Variants in EML6 observed in about 807,000 individuals in gnomAD.
EML6 encodes the protein EMAP like 6, also known as echinoderm microtubule-associated protein-like 6.
EML6 carries 154 observed loss-of-function variants against 240.1 expected under a neutral mutation model. The ratio of observed to expected loss-of-function variants is 0.64; its 90% CI spans 0.56 to 0.73. The LOEUF is 0.73. Ranked by LOEUF, EML6 falls within the 30% of genes least tolerant of loss-of-function variation. The pLI is 0.00. For synonymous variants in EML6, 1,148 were observed against 899.0 expected, an observed-to-expected ratio of 1.28 and a Z score of -4.95; for missense variants, 2,964 against 2,474.6, an observed-to-expected ratio of 1.20 and a Z score of -4.20.
In EML6 at chr2:54,813,385, T is replaced by C; in HGVS notation, c.351T>C (p.Asp117=). ...HGVACLAFDS[D]GQRLASVGLD... Reference sequence around the variant, plus strand: ...TTGCCTGCCTGGCTTTTGACTCAGATGGACAGGTGTGTATCTTTTTTTAGT... The same window carrying C: ...TTGCCTGCCTGGCTTTTGACTCAGACGGACAGGTGTGTATCTTTTTTTAGT... The change falls in exon 3 of 42, where the codon GAT becomes GAC. Residue 117 remains aspartate, a synonymous_variant. Transcript: ENST00000356458. The C allele has an allele frequency of 1.3e-6, 2 of 1,550,950 alleles. No individual in the cohort carries two copies. The highest frequency in any genetic ancestry group is 1.7e-6 in the Non-Finnish European group (2 of 1,146,348).
intron 7 of EML6, among the ~76,000 whole-genome samples, chr2:54,837,408 C>T (rs376959208): frequency 1.3e-5 from 2 of 152,156 alleles, no homozygotes; most frequent in East Asian, 3.8e-4. Context: ...CCGTTGAGGG[C>T]CTGGCGCTGT....
chr2:54,922,548 C>G (rs1674313641), intron 26 of EML6, among the ~76,000 whole-genome samples: 1 of 152,096 alleles, frequency 6.6e-6, no homozygotes, highest in African/African-American at 2.4e-5. Context: ...GGGTATATAT[C>G]CAAAGGAAGT....
At chr2:54,807,925 A>G (rs1670583010) in intron 2 of EML6, among the ~76,000 whole-genome samples, 1 of 152,196 alleles carries the variant, frequency 6.6e-6, no homozygotes, top group African/African-American at 2.4e-5. Context: ...ATATAGTTTC[A>G]TACCAGTAAG....
intron 2 of EML6, among the ~76,000 whole-genome samples, chr2:54,735,892 C>G (rs574067870): frequency 6.6e-6 from 1 of 152,234 alleles, no homozygotes; most frequent in African/African-American, 2.4e-5. Context: ...AAGAGTTTTA[C>G]CCAAACATAC....
At chr2:54,755,559 T>C (rs1220684630) in intron 2 of EML6, among the ~76,000 whole-genome samples, 1 of 152,240 alleles carries the variant, frequency 6.6e-6, no homozygotes, top group Admixed American at 6.5e-5. Flanking sequence ...CTTATCCATC[T>C]TTTGATGTTC....
chr2:54,781,023 A>G (rs922671619), intron 2 of EML6, among the ~76,000 whole-genome samples: 1 of 152,256 alleles, frequency 6.6e-6, no homozygotes, highest in Admixed American at 6.5e-5. Flanking sequence ...GGTTTTCTGT[A>G]TAAGAGGATA....
At position 54,813,403 on chromosome 2, in the gene EML6, T is replaced by C. The variant is rs1055690639; in HGVS notation, c.357+12T>C. The C allele has an allele frequency of 1.9e-6, 3 of 1,546,982 alleles. No homozygotes were observed. The highest frequency in any genetic ancestry group is 2.6e-6 in the Non-Finnish European group (3 of 1,143,528). On this transcript the variant is annotated intron_variant, in intron 3 of 41. Transcript: ENST00000356458. The stretch of plus-strand genomic sequence containing the variant: ...ACTCAGATGGACAGGTGTGTATCTT[T>C]TTTTAGTTGTTTTATTTAATGACTT...
chr2:54,818,707 G>A (rs559633635), intron 4 of EML6, among the ~76,000 whole-genome samples: 2 of 152,304 alleles, frequency 1.3e-5, no homozygotes, highest in East Asian at 1.9e-4. Flanking sequence ...CTGTGCTACC[G>A]CTTGCCAGTA....
In EML6 at chr2:54,809,471, A is replaced by G. The variant is rs141174895; in HGVS notation, c.198-3761A>G. Among the ~76,000 whole-genome samples, 9 of 152,282 alleles carry G rather than the reference A, an allele frequency of 5.9e-5. No homozygotes were observed. In the East Asian group the frequency reaches 1.7e-3, roughly 29 times the overall value. On this transcript the variant is annotated intron_variant, in intron 2 of 41. Transcript: ENST00000356458. Reference sequence around the variant, plus strand: ...GGGTTCTTTGCATCACAGTCCCTCAATTATATGCAAAGACCTGACCTTTTA... The same window carrying G: ...GGGTTCTTTGCATCACAGTCCCTCAGTTATATGCAAAGACCTGACCTTTTA...
chr2:54,818,895 C>A (rs1184040402), intron 4 of EML6, among the ~76,000 whole-genome samples: 4 of 152,150 alleles, frequency 2.6e-5, no homozygotes, highest in Non-Finnish European at 4.4e-5. Context: ...TGATTAACTT[C>A]AAGATTATCC....
At chr2:54,881,648 CA>C (rs35910314) in intron 17 of EML6, 4,156 of 95,964 alleles carry the variant, frequency 0.043, 53 homozygotes, top group African/African-American at 0.088. Context: ...GACTCCGTCC[CA>C]AAAAAAAAAA....
chr2:54,794,466 A>G (rs1230539002), intron 2 of EML6, among the ~76,000 whole-genome samples: 1 of 152,164 alleles, frequency 6.6e-6, no homozygotes, highest in Non-Finnish European at 1.5e-5. Flanking sequence ...CCCTGGCAGA[A>G]ACATCTGAGG....
chr2:54,967,046 G>T lies in EML6; in HGVS notation c.5540G>T (p.Gly1847Val), dbSNP rs1676779333. 1.9e-6 allele frequency: 3 copies of T among 1,551,420 alleles called. No homozygotes were observed. Reference protein sequence around the residue: ...YKRQVHEVPLGKQVTEAVVIE... With the variant: ...YKRQVHEVPLVKQVTEAVVIE... ...CGCCAGGTGCATGAGGTCCCCCTGGGGAAGCAGGTAACTGAAGCCGTGGTC... is the reference window on the plus strand; with the variant it reads ...CGCCAGGTGCATGAGGTCCCCCTGGTGAAGCAGGTAACTGAAGCCGTGGTC... Residue 1847 changes from glycine to valine, a missense_variant, in exon 39 of 42, where the codon GGG becomes GTG. Transcript: ENST00000356458.
rs866755706 is a variant in EML6, at chr2:54,907,841, G to C, written c.3410-3113G>C. The stretch of plus-strand genomic sequence containing the variant: ...AAACAGAGTTTTTGTTCTTGCTTCT[G>C]CTCCTCATCCTCAGAATATGTCAGT... On this transcript the variant is annotated intron_variant, in intron 24 of 41. Transcript: ENST00000356458. Among the ~76,000 whole-genome samples the C allele has an allele frequency of 2.0e-5, 3 of 152,036 alleles. No homozygotes were observed. In the South Asian group the frequency reaches 6.2e-4, roughly 32 times the overall value.
intron 2 of EML6, among the ~76,000 whole-genome samples, chr2:54,740,977 A>T (rs1279660358): frequency 6.6e-6 from 1 of 152,178 alleles, no homozygotes; most frequent in Non-Finnish European, 1.5e-5. Flanking sequence ...TCTTCCCAGA[A>T]TGTCAACAAC....
At chr2:54,895,059 G>A in intron 20 of EML6, 33 bp downstream of exon 20, 2 of 1,462,082 alleles carry the variant, frequency 1.4e-6, no homozygotes, top group South Asian at 2.4e-5. Context: ...AGAGATCTTT[G>A]TATTCATAGG....
At chr2:54,939,636 C>T (rs564063654) in intron 28 of EML6, among the ~76,000 whole-genome samples, 3 of 152,294 alleles carry the variant, frequency 2.0e-5, no homozygotes, top group South Asian at 4.1e-4. Flanking sequence ...AAGGGTGATC[C>T]TTATCCTCCC....
chr2:54,967,180 T>C, intron 39 of EML6, 77 bp downstream of exon 39: 1 of 962,920 alleles, frequency 1.0e-6, no homozygotes, highest in Non-Finnish European at 1.6e-6. Flanking sequence ...AGCCTCCAAG[T>C]CTGTGCAGGA....
At chr2:54,941,863 G>A (rs939768188) in intron 28 of EML6, among the ~76,000 whole-genome samples, 1 of 152,210 alleles carries the variant, frequency 6.6e-6, no homozygotes, top group Admixed American at 6.5e-5. Context: ...AGTTCTGCCC[G>A]CATAGCTGCA....
Sources: allele counts gnomAD v4.1 joint callset (sites outside exome capture counted in the v4.1 genomes callset), GRCh38; gene constraint gnomAD v4.1.1; transcripts MANE v1.5; gene names NCBI Gene and HGNC (gene_info 2026-07-23, HGNC 2026-07-21).